Variants in SLC35F3 observed in about 807,000 individuals in gnomAD.
The protein encoded by SLC35F3 is solute carrier family 35 member F3.
Under a neutral mutation model 49.9 loss-of-function variants are expected in SLC35F3, and 25 were observed. That is an observed-to-expected ratio of 0.50 (90% CI 0.37 to 0.70). The LOEUF (loss-of-function observed/expected upper bound fraction) is 0.70. SLC35F3 is among the 30% of genes least tolerant of loss of function. The pLI, the probability that SLC35F3 is intolerant of heterozygous loss-of-function variation, is 0.00. For missense variants in SLC35F3, 525 were observed against 639.8 expected (o/e 0.82, Z 1.94); for synonymous variants, 275 against 265.4 (o/e 1.04, Z -0.35).
rs1667366462 is a variant in SLC35F3, at chr1:234,231,318, C to G, written c.284-99C>G. 9.5e-7 allele frequency: 1 copy of G among 1,057,474 alleles called. No homozygotes were observed. Among genetic ancestry groups the G allele is most frequent in the Non-Finnish European group, 1.3e-6 (1 of 756,908 alleles). 65.5% of individuals were successfully genotyped at this position (1,057,474 alleles called of 1,614,324 possible). On this transcript the variant is annotated intron_variant, in intron 2 of 7. Coordinates refer to ENST00000366618, the MANE Select transcript of SLC35F3 (RefSeq NM_173508.4). This position sits in a 1 kb window ranked among gnomAD's most constrained non-coding sequence, Gnocchi z 5.4. The stretch of plus-strand genomic sequence containing the variant: ...CTGCACCCGCTATCTCCCCGGGCCC[C>G]CAGGTAGCTGGTGGTGACAATGGCT...
chr1:234,228,429 C>T (rs1667320123), intron 2 of SLC35F3, among the ~76,000 whole-genome samples: 1 of 152,150 alleles, frequency 6.6e-6, no homozygotes, highest in Non-Finnish European at 1.5e-5. Context: ...ATGGATCTTT[C>T]GTCACTCTGA....
At position 234,214,069 on chromosome 1, in the gene SLC35F3, C is replaced by A; in HGVS notation, c.284-17348C>A. The A allele has an allele frequency of 1.7e-6, 1 of 590,904 alleles. No individual in the cohort carries two copies. The highest frequency in any genetic ancestry group is 2.1e-6 in the Non-Finnish European group (1 of 465,670). The allele number at this position is 590,904 out of a possible 1,614,324, so 36.6% of individuals were successfully genotyped here. A position where few individuals can be genotyped will look rare whatever the true frequency, so the allele number is the denominator to read the frequency against. ...CGCAGGCGCTGGTCCTTTTAAAGGG[C>A]TTCTCAGAGAGGTGGTGGCCAGAGG... On this transcript the variant is annotated intron_variant, in intron 2 of 7. Transcript: ENST00000366618. The surrounding 1 kb of genome is among the most constrained non-coding windows in gnomAD (Gnocchi z 8.0).
chr1:234,196,738 G>A (rs1298302922), intron 2 of SLC35F3, among the ~76,000 whole-genome samples: 1 of 152,220 alleles, frequency 6.6e-6, no homozygotes, highest in East Asian at 1.9e-4. Context: ...TTAGGAGTTC[G>A]AGACCAGCCT....
At chr1:234,168,292 G>A (rs941155057) in intron 2 of SLC35F3, among the ~76,000 whole-genome samples, 1 of 152,256 alleles carries the variant, frequency 6.6e-6, no homozygotes, top group Admixed American at 6.5e-5. Flanking sequence ...GAGAAACTGT[G>A]ATGGCCGGGG....
chr1:233,906,896 A>C (rs924222287), intron 2 of SLC35F3, among the ~76,000 whole-genome samples: 1 of 152,236 alleles, frequency 6.6e-6, no homozygotes, highest in Non-Finnish European at 1.5e-5. Context: ...GTTTTCATGC[A>C]ACTTGCTTTT....
At chr1:234,225,874 G>A (rs1312583467) in intron 2 of SLC35F3, among the ~76,000 whole-genome samples, 4 of 152,188 alleles carry the variant, frequency 2.6e-5, no homozygotes, top group South Asian at 2.1e-4. Flanking sequence ...GCTGACACAC[G>A]CTACAACGTG....
chr1:234,233,841 GTTGTT>G (rs111517884), intron 3 of SLC35F3, among the ~76,000 whole-genome samples: 6,049 of 152,178 alleles, frequency 0.04, 168 homozygotes, highest in Non-Finnish European at 0.06. Flanking sequence ...CTTTAAAAAA[GTTGTT>G]TTGTTTTGTT....
Position 234,046,811 on chromosome 1 carries a change from GT to G in SLC35F3, c.283+141060del, listed in dbSNP as rs1247462313. Among the ~76,000 whole-genome samples the G allele has an allele frequency of 6.6e-6, 1 of 152,138 alleles. No homozygotes were observed. Among genetic ancestry groups the G allele is most frequent in the Admixed American group, 6.5e-5 (1 of 15,274 alleles). On this transcript the variant is annotated intron_variant, in intron 2 of 7. Coordinates refer to ENST00000366618, the MANE Select transcript of SLC35F3 (RefSeq NM_173508.4). This position sits in a 1 kb window ranked among gnomAD's most constrained non-coding sequence, Gnocchi z 4.4. ...AATATGAAGTACATCTCTAATTCTA[GT>G]TTTTTTCGGTATTAAGTAATCTCAT...
intron 2 of SLC35F3, among the ~76,000 whole-genome samples, chr1:234,206,165 A>G (rs1232040562): frequency 2.0e-5 from 3 of 152,142 alleles, no homozygotes; most frequent in Non-Finnish European, 4.4e-5. Context: ...CCACTCCTAC[A>G]TGGAAAACAC....
intron 2 of SLC35F3, among the ~76,000 whole-genome samples, chr1:233,968,954 G>A (rs1397092034): frequency 6.6e-6 from 1 of 151,880 alleles, no homozygotes; most frequent in Non-Finnish European, 1.5e-5. Context: ...TGCATTAATT[G>A]GCCTCTAGCT....
chr1:234,136,511 C>G (rs1665814547), intron 2 of SLC35F3, among the ~76,000 whole-genome samples: 1 of 152,084 alleles, frequency 6.6e-6, no homozygotes, highest in South Asian at 2.1e-4. Flanking sequence ...GCACCCAGCT[C>G]CCTTTATCTT....
At chr1:234,250,762 CATG>C (rs1260755007) in intron 3 of SLC35F3, among the ~76,000 whole-genome samples, 2 of 151,944 alleles carry the variant, frequency 1.3e-5, no homozygotes, top group Admixed American at 1.3e-4. Flanking sequence ...TGCTTCCACT[CATG>C]ATGGAAGGTG....
chr1:234,317,426 T>C (rs904698909), intron 5 of SLC35F3, among the ~76,000 whole-genome samples: 2 of 151,372 alleles, frequency 1.3e-5, no homozygotes, highest in African/African-American at 4.9e-5. Flanking sequence ...CTAAGATCCA[T>C]AGCAGAGAAT....
At position 233,905,583 on chromosome 1, in the gene SLC35F3, C is replaced by T; in HGVS notation, c.108C>T (p.Pro36=). Residue 36 remains proline (P), a synonymous_variant, in exon 2 of 8, where the codon CCC becomes CCT. Transcript: ENST00000366618. The stretch of plus-strand genomic sequence containing the variant: ...CCCGGAGACTGTCCGACATCAGCCC[C>T]CAGCTCCGGCAGCTCAAGTACTTGG... ...VSPRRLSDIS[P]QLRQLKYLVV... 1 of 1,614,158 alleles carries T rather than the reference C, an allele frequency of 6.2e-7. No individual in the cohort carries two copies. Among genetic ancestry groups the T allele is most frequent in the African/African-American group, 1.3e-5 (1 of 75,068 alleles).
chr1:234,186,007 G>A (rs770158439), intron 2 of SLC35F3, among the ~76,000 whole-genome samples: 13 of 152,232 alleles, frequency 8.5e-5, no homozygotes, highest in South Asian at 2.1e-4. Context: ...GCTGAGTGCC[G>A]CGTAGACAGT....
chr1:234,178,800 T>C (rs112511075), intron 2 of SLC35F3, among the ~76,000 whole-genome samples: 11,873 of 152,068 alleles, frequency 0.078, 1,274 homozygotes, highest in African/African-American at 0.25. Context: ...GAGCTCCTAG[T>C]TTACATTATG....
intron 2 of SLC35F3, among the ~76,000 whole-genome samples, chr1:234,181,633 G>A (rs1666558910): frequency 1.3e-5 from 2 of 152,016 alleles, no homozygotes; most frequent in Admixed American, 1.3e-4. Context: ...AGTTTGTCTT[G>A]AGAATTTTCC....
chr1:234,127,383 A>C (rs1486521861), intron 2 of SLC35F3, among the ~76,000 whole-genome samples: 1 of 152,184 alleles, frequency 6.6e-6, no homozygotes, highest in East Asian at 1.9e-4. Flanking sequence ...TATTTTGATG[A>C]AATAGACATG....
At chr1:234,167,995 C>G (rs1384721450) in intron 2 of SLC35F3, among the ~76,000 whole-genome samples, 1 of 152,182 alleles carries the variant, frequency 6.6e-6, no homozygotes, top group African/African-American at 2.4e-5. Flanking sequence ...CATTGTAGCC[C>G]AAGAGTAGTC....
Sources: allele counts gnomAD v4.1 joint callset (sites outside exome capture counted in the v4.1 genomes callset), GRCh38; gene constraint gnomAD v4.1.1; non-coding constraint Gnocchi (gnomAD v3.1); transcripts MANE v1.5; gene names NCBI Gene and HGNC (gene_info 2026-07-23, HGNC 2026-07-21).